Variants in FLRT2 observed in about 807,000 individuals in gnomAD.
FLRT2 encodes the protein fibronectin leucine rich transmembrane protein 2.
FLRT2 carries 15 observed loss-of-function variants against 40.0 expected under a neutral mutation model. That is an observed-to-expected ratio of 0.38 (90% CI 0.25 to 0.58). The LOEUF is 0.58. FLRT2 is among the 20% of genes least tolerant of loss of function. FLRT2 has a pLI of 0.71. For synonymous variants in FLRT2, 380 were observed against 336.8 expected, an observed-to-expected ratio of 1.13 and a Z score of -1.41; for missense variants, 726 against 840.0, an observed-to-expected ratio of 0.86 and a Z score of 1.68.
At chr14:85,561,585 G>A (rs1025350354) in intron 1 of FLRT2, among the ~76,000 whole-genome samples, 5 of 152,084 alleles carry the variant, frequency 3.3e-5, no homozygotes, top group African/African-American at 1.2e-4. Flanking sequence ...ACAGCACCCT[G>A]GCAGGTAGAT....
At chr14:85,544,126 A>G (rs1889137761) in intron 1 of FLRT2, among the ~76,000 whole-genome samples, 1 of 152,124 alleles carries the variant, frequency 6.6e-6, no homozygotes, top group South Asian at 2.1e-4. Flanking sequence ...ATTCCCATAG[A>G]TTGATTACCC....
intron 1 of FLRT2, among the ~76,000 whole-genome samples, chr14:85,595,911 CG>C (rs778877090): frequency 6.6e-6 from 1 of 152,200 alleles, no homozygotes; most frequent in Non-Finnish European, 1.5e-5. Context: ...GTTCACTTGG[CG>C]GGCAAGAAGT....
intron 1 of FLRT2, among the ~76,000 whole-genome samples, chr14:85,573,171 CAAGTTATTTTAAA>C (rs1352037339): frequency 6.6e-6 from 1 of 151,932 alleles, no homozygotes; most frequent in Non-Finnish European, 1.5e-5. Context: ...GGATGGGTGG[CAAGTTATTTTAAA>C]AAGCTGATAT....
intron 1 of FLRT2, among the ~76,000 whole-genome samples, chr14:85,565,089 T>G (rs1890559442): frequency 6.6e-6 from 1 of 152,226 alleles, no homozygotes; most frequent in Non-Finnish European, 1.5e-5. Context: ...TTAAACCAGA[T>G]TTCCATTTTC....
rs1555373579 is a variant in FLRT2, at chr14:85,643,354, T to TCTTTCTTCCTTCCTTCCTTC, written c.*19860_*19861insTCTTCCTTCCTTCCTTCCTT. 44 of 46,066 alleles carry TCTTTCTTCCTTCCTTCCTTC rather than the reference T, an allele frequency of 9.6e-4. 1 individual carries two copies. The highest frequency in any genetic ancestry group is 2.8e-3 in the Admixed American group (10 of 3,592). 2.9% of individuals were successfully genotyped at this position (46,066 alleles called of 1,614,324 possible). ...TTCTTTCTTTCTTTCTTTCTTTCTT[T>TCTTTCTTCCTTCCTTCCTTC]CTTCCTTCCTTCCTTCCTTCCTTTC... On this transcript the variant is annotated 3_prime_UTR_variant, in exon 2 of 2. Transcript: ENST00000330753.
At chr14:85,536,659 A>G (rs1364030531) in intron 1 of FLRT2, among the ~76,000 whole-genome samples, 1 of 146,814 alleles carries the variant, frequency 6.8e-6, no homozygotes, top group African/African-American at 2.5e-5. Flanking sequence ...TTTCCTTCTC[A>G]TCAAAGTCTG....
rs1893808743 is a variant in FLRT2 at position 85,629,355 on chromosome 14, G to A, written c.*5858G>A. On this transcript the variant is annotated 3_prime_UTR_variant, in exon 2 of 2. Coordinates refer to ENST00000330753, the MANE Select transcript of FLRT2 (RefSeq NM_013231.6). ...AATTAAATTTTCAAGTTTCCACCAA[G>A]TATTTGAAAACTTAGAAATTGTATT... 1 of 152,150 alleles carries A rather than the reference G, an allele frequency of 6.6e-6. No homozygotes were observed. Among genetic ancestry groups the A allele is most frequent in the South Asian group, 2.1e-4 (1 of 4,830 alleles). The allele number at this position is 152,150 out of a possible 1,614,324, so 9.4% of individuals were successfully genotyped here.
At chr14:85,555,255 A>C (rs1340632116) in intron 1 of FLRT2, among the ~76,000 whole-genome samples, 1 of 152,210 alleles carries the variant, frequency 6.6e-6, no homozygotes, top group Non-Finnish European at 1.5e-5. Flanking sequence ...GAATATGCAT[A>C]GATTCCTAGA....
intron 1 of FLRT2, among the ~76,000 whole-genome samples, chr14:85,615,773 G>T (rs1893103386): frequency 6.6e-6 from 1 of 152,236 alleles, no homozygotes. Context: ...CATGCACTGT[G>T]CTGCCTTGTC....
intron 1 of FLRT2, among the ~76,000 whole-genome samples, chr14:85,587,287 GAA>G (rs748034839): frequency 1.4e-3 from 126 of 88,214 alleles, no homozygotes; most frequent in African/African-American, 3.8e-3. Context: ...CTAAGGAATG[GAA>G]AAAAAAAAAA....
At chr14:85,585,016 T>C (rs1489397913) in intron 1 of FLRT2, among the ~76,000 whole-genome samples, 1 of 152,046 alleles carries the variant, frequency 6.6e-6, no homozygotes, top group African/African-American at 2.4e-5. Context: ...TTTTGTGGCA[T>C]GAGGAAAGGA....
chr14:85,618,517 G>A (rs1477028428), intron 1 of FLRT2, among the ~76,000 whole-genome samples: 2 of 151,970 alleles, frequency 1.3e-5, no homozygotes, highest in Non-Finnish European at 2.9e-5. Context: ...GTCCTACTAG[G>A]CATTAGTACT....
chr14:85,554,342 C>T (rs900816969), intron 1 of FLRT2, among the ~76,000 whole-genome samples: 1 of 152,182 alleles, frequency 6.6e-6, no homozygotes, highest in African/African-American at 2.4e-5. Flanking sequence ...CACAAGTGCC[C>T]TTACAACAGA....
At position 85,633,168 on chromosome 14, in the gene FLRT2, ACACT is replaced by A. The variant is rs1893924167; in HGVS notation, c.*9674_*9677del. ...TAATTAGCATTCAAAATTCCTCAAA[ACACT>A]CAATAATTTGCACAGCTATTATCAA... On this transcript the variant is annotated 3_prime_UTR_variant, in exon 2 of 2. Transcript: ENST00000330753. The A allele has an allele frequency of 6.6e-6, 1 of 152,176 alleles. No homozygotes were observed. Among genetic ancestry groups the A allele is most frequent in the African/African-American group, 2.4e-5 (1 of 41,442 alleles). 9.4% of individuals were successfully genotyped at this position (152,176 alleles called of 1,614,324 possible).
rs1893474931 is a variant in FLRT2 at position 85,622,861 on chromosome 14, A to G, written c.1347A>G (p.Ala449=). ...VSWLSLFTVM[A]YKLTWVKMGH... The stretch of plus-strand genomic sequence containing the variant: ...GGCTCTCTCTCTTCACCGTGATGGC[A>G]TACAAACTCACATGGGTGAAAATGG... Residue 449 remains alanine, a synonymous_variant, in exon 2 of 2, where the codon GCA becomes GCG. Coordinates refer to ENST00000330753, the MANE Select transcript of FLRT2 (RefSeq NM_013231.6). The G allele has an allele frequency of 6.2e-7, 1 of 1,614,068 alleles. No individual in the cohort carries two copies. The highest frequency in any genetic ancestry group is 8.5e-7 in the Non-Finnish European group (1 of 1,180,038).
intron 1 of FLRT2, among the ~76,000 whole-genome samples, chr14:85,573,492 T>G (rs1890991017): frequency 6.6e-6 from 1 of 152,212 alleles, no homozygotes; most frequent in Non-Finnish European, 1.5e-5. Context: ...GATGTGGGTT[T>G]CTTTATGCTC....
chr14:85,610,969 C>A, intron 1 of FLRT2, among the ~76,000 whole-genome samples: 1 of 152,162 alleles, frequency 6.6e-6, no homozygotes, highest in East Asian at 1.9e-4. Flanking sequence ...AATCTCGGCT[C>A]ACTGCATCTT....
In FLRT2 at chr14:85,554,454, G is replaced by A. The variant is rs140989591; in HGVS notation, c.-377+23920G>A. Among the ~76,000 whole-genome samples the A allele has an allele frequency of 8.5e-4, 129 of 152,238 alleles. 1 individual carries two copies. Among genetic ancestry groups the A allele is most frequent in the African/African-American group, 3.0e-3 (125 of 41,544 alleles). On this transcript the variant is annotated intron_variant, in intron 1 of 1. Coordinates refer to ENST00000330753, the MANE Select transcript of FLRT2 (RefSeq NM_013231.6). Reference sequence around the variant, plus strand: ...ATTTTCATTGTCTTTAAGTGCCAGCGGACTACAGATGGCTCTCAGATCCCC... The same window carrying A: ...ATTTTCATTGTCTTTAAGTGCCAGCAGACTACAGATGGCTCTCAGATCCCC...
At chr14:85,534,660 C>A (rs1181176394) in intron 1 of FLRT2, among the ~76,000 whole-genome samples, 1 of 150,906 alleles carries the variant, frequency 6.6e-6, no homozygotes, top group African/African-American at 2.4e-5. Context: ...TGCAGAGAGG[C>A]GGAATTTTTC....
Sources: gnomAD v4.1 joint callset for allele counts (sites outside exome capture counted in the v4.1 genomes callset) on GRCh38, gnomAD v4.1.1 for gene constraint, MANE v1.5 for transcripts, NCBI Gene and HGNC (gene_info 2026-07-23, HGNC 2026-07-21) for gene names.